Variants in LGALS9C observed in about 807,000 individuals in gnomAD.
LGALS9C encodes galectin 9C.
In LGALS9C, 7 loss-of-function variants were observed where a neutral mutation model predicts 41.3. The observed-to-expected ratio is 0.17, with a 90% CI of 0.10 to 0.32. The LOEUF (loss-of-function observed/expected upper bound fraction) is 0.32, where lower values mean the gene tolerates loss of function less well. Ranked by LOEUF, LGALS9C falls within the 10% of genes least tolerant of loss-of-function variation. LGALS9C has a pLI of 1.00. For missense variants in LGALS9C, 102 were observed against 455.2 expected, an observed-to-expected ratio of 0.22 and a Z score of 7.06; for synonymous variants, 44 against 171.0, an observed-to-expected ratio of 0.26 and a Z score of 5.80.
chr17:18,481,066 G>GT (rs1258012659), intron 1 of LGALS9C, among the ~76,000 whole-genome samples: 3 of 131,368 alleles, frequency 2.3e-5, no homozygotes, highest in African/African-American at 7.5e-5. Context: ...GGAGGCTGCA[G>GT]TGATCCATGA....
intron 4 of LGALS9C, among the ~76,000 whole-genome samples, 161 bp downstream of exon 4, chr17:18,487,918 C>A (rs1423537075): frequency 7.0e-6 from 1 of 142,500 alleles, no homozygotes; most frequent in African/African-American, 2.5e-5. Flanking sequence ...CCCTTCTCCT[C>A]TGTCACTCTG....
rs552262203 is a variant in LGALS9C at position 18,489,046 on chromosome 17, A to G, written c.540+10A>G. On this transcript the variant is annotated intron_variant, in intron 5 of 10. Transcript: ENST00000328114. The stretch of plus-strand genomic sequence containing the variant: ...GGGGCGCAGACAAAAAGTGAGTTCA[A>G]CACAGAGGCCCTGGGTGGCTGAGCA... 6.8e-7 allele frequency: 1 copy of G among 1,466,412 alleles called. No individual in the cohort carries two copies. Among genetic ancestry groups the G allele is most frequent in the East Asian group, 2.2e-5 (1 of 44,448 alleles). The allele number at this position is 1,466,412 out of a possible 1,614,324, so 90.8% of individuals were successfully genotyped here. A position where few individuals can be genotyped will look rare whatever the true frequency, so the allele number is the denominator to read the frequency against.
At chr17:18,487,949 T>C (rs1241062971) in intron 4 of LGALS9C, among the ~76,000 whole-genome samples, 192 bp downstream of exon 4, 1 of 135,270 alleles carries the variant, frequency 7.4e-6, no homozygotes. Context: ...TGTGTCACTG[T>C]CTCTGTCTGG....
Position 18,488,912 on chromosome 17 carries a change from T to A in LGALS9C, c.445-29T>A. The A allele has an allele frequency of 2.1e-5, 31 of 1,500,020 alleles. 8 individuals are homozygous for A. Among genetic ancestry groups the A allele is most frequent in the Non-Finnish European group, 2.6e-5 (28 of 1,090,778 alleles). The allele number at this position is 1,500,020 out of a possible 1,614,324, so 92.9% of individuals were successfully genotyped here. A position where few individuals can be genotyped will look rare whatever the true frequency, so the allele number is the denominator to read the frequency against. ...TCCTTGGCTCTATTAATGCTTCTCCTCACCGGCCGGTGCCTTTTGTTTTAA... is the reference window on the plus strand; with the variant it reads ...TCCTTGGCTCTATTAATGCTTCTCCACACCGGCCGGTGCCTTTTGTTTTAA... On this transcript the variant is annotated intron_variant, in intron 4 of 10. Coordinates refer to ENST00000328114, the MANE Select transcript of LGALS9C (RefSeq NM_001040078.3).
At chr17:18,478,336 G>A (rs1381374924) in intron 1 of LGALS9C, among the ~76,000 whole-genome samples, 1 of 121,696 alleles carries the variant, frequency 8.2e-6, no homozygotes, top group African/African-American at 2.6e-5. Context: ...ATGCACATCA[G>A]AGAGTTTGAG....
chr17:18,486,632 A>AT, intron 3 of LGALS9C: 1 of 141,950 alleles, frequency 7.0e-6, no homozygotes, highest in East Asian at 1.3e-4. Context: ...TGAGATAAGG[A>AT]TGTTCCCATC....
chr17:18,492,838 C>T lies in LGALS9C; in HGVS notation c.903C>T (p.Phe301=), dbSNP rs143719999. The change falls in exon 10 of 11, where the codon TTC becomes TTT. Residue 301 remains phenylalanine (F), a synonymous_variant. Coordinates refer to ENST00000328114, the MANE Select transcript of LGALS9C (RefSeq NM_001040078.3). ...GAAGTCTGCCCCGAAAAATGCCCTT[C>T]GTCCGAGGCCAGAGCTTCTCGGTAA... ...EERSLPRKMP[F]VRGQSFSVWI... is the part of the protein sequence containing the mutation. 2.7e-3 allele frequency: 4,022 copies of T among 1,499,974 alleles called. 26 individuals carry two copies. In the African/African-American group the frequency reaches 0.041, roughly 15 times the overall value. The allele number at this position is 1,499,974 out of a possible 1,614,324, so 92.9% of individuals were successfully genotyped here.
intron 6 of LGALS9C, 24 bp from the exon 7 acceptor site, chr17:18,491,249 T>C: frequency 1.4e-6 from 2 of 1,479,926 alleles, no homozygotes; most frequent in Non-Finnish European, 1.9e-6. Context: ...AGAGCCTGGG[T>C]GAGACCTGGT....
chr17:18,478,107 C>T lies in LGALS9C; in HGVS notation c.39+1214C>T, dbSNP rs56181862. ...CCCCTCAGCCACCCTATGGAAGCCC[C>T]CAAGGTAGAACCTGCATAGAGGGAG... is the stretch of plus-strand genomic sequence containing the variant. On this transcript the variant is annotated intron_variant, in intron 1 of 10. Transcript: ENST00000328114. 7.7e-3 allele frequency among the ~76,000 whole-genome samples: 981 copies of T among 128,226 alleles called. 47 individuals are homozygous for T. The highest frequency in any genetic ancestry group is 0.023 in the African/African-American group (912 of 39,454). 84.1% of individuals were successfully genotyped at this position (128,226 alleles called of 152,430 possible).
chr17:18,486,893 G>A (rs1244232043), intron 3 of LGALS9C: 1 of 147,766 alleles, frequency 6.8e-6, no homozygotes, highest in Non-Finnish European at 1.6e-5. Flanking sequence ...GGTCGGGGAC[G>A]GAGAGCATCA....
chr17:18,492,568 C>T, intron 9 of LGALS9C, 23 bp downstream of exon 9: 2 of 1,588,404 alleles, frequency 1.3e-6, no homozygotes, highest in South Asian at 2.2e-5. Flanking sequence ...CTCCAGTGAC[C>T]TCTGGGAAGA....
intron 2 of LGALS9C, among the ~76,000 whole-genome samples, chr17:18,484,746 C>A (rs537462324): frequency 6.6e-6 from 1 of 151,028 alleles, no homozygotes; most frequent in African/African-American, 2.4e-5. Context: ...ACCCTCTGGG[C>A]CTCGTAGATG....
chr17:18,487,834 G>C (rs1380190951), intron 4 of LGALS9C, 77 bp downstream of exon 4: 1 of 1,573,268 alleles, frequency 6.4e-7, no homozygotes, highest in East Asian at 2.2e-5. Flanking sequence ...GCCCAGCTGG[G>C]GGGACCCAAG....
intron 4 of LGALS9C, among the ~76,000 whole-genome samples, chr17:18,488,653 C>T (rs1183059535): frequency 8.2e-6 from 1 of 121,284 alleles, no homozygotes; most frequent in African/African-American, 2.7e-5. Context: ...ACAGTAGGCC[C>T]TCAGCAAATC....
chr17:18,477,896 AG>A (rs1188166276), intron 1 of LGALS9C, among the ~76,000 whole-genome samples: 2 of 128,804 alleles, frequency 1.6e-5, no homozygotes, highest in Admixed American at 1.5e-4. Context: ...CAGGGTGCTG[AG>A]GGCAGGGAAG....
At position 18,480,398 on chromosome 17, in the gene LGALS9C, A is replaced by G. The variant is rs1328863418; in HGVS notation, c.40-3477A>G. Among the ~76,000 whole-genome samples, 4 of 108,032 alleles carry G rather than the reference A, an allele frequency of 3.7e-5. No homozygotes were observed. In the East Asian group the frequency reaches 8.1e-4, roughly 22 times the overall value. The allele number at this position is 108,032 out of a possible 152,430, so 70.9% of individuals were successfully genotyped here. A position where few individuals can be genotyped will look rare whatever the true frequency, so the allele number is the denominator to read the frequency against. On this transcript the variant is annotated intron_variant, in intron 1 of 10. Transcript: ENST00000328114. ...CCATGCCAAAATTATGCATTTAATCACATCTGCAAAGTCCCTTCTACAACA... is the reference window on the plus strand; with the variant it reads ...CCATGCCAAAATTATGCATTTAATCGCATCTGCAAAGTCCCTTCTACAACA...
In LGALS9C at chr17:18,482,937, C is replaced by T. The variant is rs546121444; in HGVS notation, c.40-938C>T. On this transcript the variant is annotated intron_variant, in intron 1 of 10. Coordinates refer to ENST00000328114, the MANE Select transcript of LGALS9C (RefSeq NM_001040078.3). ...TGGGGGGTGGGTGACAGTGGTGAAG[C>T]GTCTCCTCTGTGCCAGTCTCTTCTA... 1.5e-3 allele frequency among the ~76,000 whole-genome samples: 184 copies of T among 123,880 alleles called. 13 individuals carry two copies. Among genetic ancestry groups the T allele is most frequent in the African/African-American group, 4.6e-3 (174 of 37,778 alleles). The allele number at this position is 123,880 out of a possible 152,430, so 81.3% of individuals were successfully genotyped here.
chr17:18,489,226 CCTTT>C (rs904100318), intron 5 of LGALS9C, among the ~76,000 whole-genome samples, 190 bp downstream of exon 5: 1 of 91,738 alleles, frequency 1.1e-5, no homozygotes, highest in African/African-American at 3.8e-5. Context: ...TCTTCACTAC[CCTTT>C]CTTTATGTCT....
rs1270926547 is a variant in LGALS9C, at chr17:18,483,976, T to C, written c.131+10T>C. ...GCTGCAGTGGAACCAGGTGTGTGTA[T>C]ATGGATGGAAACGTTTCACTCCAGC... On this transcript the variant is annotated intron_variant, in intron 2 of 10. Transcript: ENST00000328114. The C allele has an allele frequency of 1.5e-6, 2 of 1,365,696 alleles. No individual in the cohort carries two copies. Among genetic ancestry groups the C allele is most frequent in the East Asian group, 2.2e-5 (1 of 44,748 alleles). 84.6% of individuals were successfully genotyped at this position (1,365,696 alleles called of 1,614,324 possible).
Sources: gnomAD v4.1 joint callset for allele counts (sites outside exome capture counted in the v4.1 genomes callset) on GRCh38, gnomAD v4.1.1 for gene constraint, MANE v1.5 for transcripts, NCBI Gene and HGNC (gene_info 2026-07-23, HGNC 2026-07-21) for gene names.